Variants in NR3C2 observed in about 807,000 individuals in gnomAD.
The protein encoded by NR3C2 is nuclear receptor subfamily 3 group C member 2.
A neutral mutation model predicts 86.4 loss-of-function variants in NR3C2; 15 were observed. That is an observed-to-expected ratio of 0.17 (90% CI 0.12 to 0.27). The LOEUF (loss-of-function observed/expected upper bound fraction) is 0.27. Among genes scored for constraint, NR3C2 ranks in the 10% least tolerant of loss-of-function variants. The probability of loss-of-function intolerance (pLI) is 1.00; values close to 1 mark genes in which losing one functional copy is unlikely to be tolerated. For synonymous variants in NR3C2, 458 were observed against 450.5 expected, an observed-to-expected ratio of 1.02 and a Z score of -0.21; for missense variants, 960 against 1,195.6, an observed-to-expected ratio of 0.80 and a Z score of 2.91.
chr4:148,250,230 AT>A (rs1739512776), intron 3 of NR3C2, among the ~76,000 whole-genome samples: 1 of 152,216 alleles, frequency 6.6e-6, no homozygotes, highest in Non-Finnish European at 1.5e-5. Context: ...GGAAAGAACT[AT>A]TACACTACAT....
chr4:148,444,381 C>T (rs1393941841), upstream of NR3C2: 1 of 986,920 alleles, frequency 1.0e-6, no homozygotes, highest in Non-Finnish European at 1.2e-6. Flanking sequence ...CAGCGGGCAA[C>T]TCGTCTCCTG....
chr4:148,161,067 T>C (rs556459450), intron 4 of NR3C2, among the ~76,000 whole-genome samples: 3 of 146,210 alleles, frequency 2.1e-5, no homozygotes, highest in African/African-American at 7.3e-5. Context: ...CCCAATGCAA[T>C]AAACACCAGT....
intron 3 of NR3C2, among the ~76,000 whole-genome samples, chr4:148,240,707 G>A (rs1738984382): frequency 6.6e-6 from 1 of 152,094 alleles, no homozygotes; most frequent in Non-Finnish European, 1.5e-5. Flanking sequence ...AATCTGTTGA[G>A]GTCTGCTTTC....
At chr4:148,443,667 G>A (rs1414088135), upstream of NR3C2, among the ~76,000 whole-genome samples, 3 of 152,222 alleles carry the variant, frequency 2.0e-5, no homozygotes, top group Admixed American at 1.3e-4. Flanking sequence ...CCCGGAGTCA[G>A]CATCAGTGAC....
At chr4:148,149,526 C>T (rs1560947063) in intron 6 of NR3C2, among the ~76,000 whole-genome samples, 2 of 152,008 alleles carry the variant, frequency 1.3e-5, no homozygotes, top group African/African-American at 4.8e-5. Context: ...ATAAGTGACA[C>T]CAAAGAAAAG....
chr4:148,271,750 C>T (rs1029042018), intron 2 of NR3C2, among the ~76,000 whole-genome samples: 3 of 151,938 alleles, frequency 2.0e-5, no homozygotes, highest in African/African-American at 7.3e-5. Flanking sequence ...ATACTTGGCC[C>T]TTATTAGAAC....
At chr4:148,372,160 C>A (rs892026311) in intron 2 of NR3C2, among the ~76,000 whole-genome samples, 1 of 152,054 alleles carries the variant, frequency 6.6e-6, no homozygotes, top group Non-Finnish European at 1.5e-5. Flanking sequence ...AAAGTAAGTT[C>A]TATTCCTTGG....
intron 4 of NR3C2, among the ~76,000 whole-genome samples, chr4:148,165,401 A>T (rs1216994666): frequency 6.6e-6 from 1 of 152,088 alleles, no homozygotes; most frequent in African/African-American, 2.4e-5. Flanking sequence ...AATGAGGAAT[A>T]AAAAAATATA....
intron 3 of NR3C2, among the ~76,000 whole-genome samples, chr4:148,219,284 C>T (rs192291838): frequency 1.0e-3 from 156 of 152,204 alleles, no homozygotes; most frequent in African/African-American, 3.5e-3. Flanking sequence ...AGATTATGCA[C>T]GTCTACTCAA....
At chr4:148,148,145 C>A (rs764584799) in intron 6 of NR3C2, among the ~76,000 whole-genome samples, 12 of 124,408 alleles carry the variant, frequency 9.6e-5, no homozygotes, top group Admixed American at 4.3e-4. Flanking sequence ...TCTCCCTTCC[C>A]CTGCCCTTCC....
chr4:148,296,891 A>G (rs1742078726), intron 2 of NR3C2, among the ~76,000 whole-genome samples: 1 of 152,224 alleles, frequency 6.6e-6, no homozygotes, highest in Admixed American at 6.5e-5. Flanking sequence ...ATAAATAAGG[A>G]AAACACTTTC....
chr4:148,143,541 G>A (rs13150372), intron 6 of NR3C2, among the ~76,000 whole-genome samples: 40,292 of 152,076 alleles, frequency 0.26, 6,011 homozygotes, highest in East Asian at 0.6. Context: ...CTTAATACAC[G>A]GAAATTGCTC....
At chr4:148,081,520 G>C (rs1389770511) in intron 8 of NR3C2, 21 bp from the exon 9 acceptor site, 2 of 1,613,874 alleles carry the variant, frequency 1.2e-6, no homozygotes, top group Admixed American at 1.7e-5. Flanking sequence ...GACACAGGGG[G>C]CATGACACGG....
chr4:148,142,175 T>G (rs1733644440), intron 6 of NR3C2, among the ~76,000 whole-genome samples: 1 of 152,134 alleles, frequency 6.6e-6, no homozygotes, highest in African/African-American at 2.4e-5. Context: ...ATTAATTAGT[T>G]TATCAAGTGC....
At chr4:148,356,108 G>T (rs1745538246) in intron 2 of NR3C2, among the ~76,000 whole-genome samples, 1 of 151,932 alleles carries the variant, frequency 6.6e-6, no homozygotes, top group African/African-American at 2.4e-5. Flanking sequence ...CAGATCTACA[G>T]AATAAAACTC....
Position 148,154,536 on chromosome 4 carries a change from G to T in NR3C2, c.2365+15C>A. On this transcript the variant is annotated intron_variant, in intron 5 of 8. Coordinates refer to ENST00000358102, the MANE Select transcript of NR3C2 (RefSeq NM_000901.5). ...AAGTTCAGGATGCAGCCTGTGAAAG[G>T]AGAGGCAATCCTACCTGGAAGTACC... 1 of 1,611,952 alleles carries T rather than the reference G, an allele frequency of 6.2e-7. No homozygotes were observed. The highest frequency in any genetic ancestry group is 1.1e-5 in the South Asian group (1 of 91,006).
chr4:148,113,289 C>CAAAGATTGAGA (rs1316216613), intron 8 of NR3C2, among the ~76,000 whole-genome samples: 1 of 152,134 alleles, frequency 6.6e-6, no homozygotes, highest in Non-Finnish European at 1.5e-5. Flanking sequence ...CAGGCTGGCC[C>CAAAGATTGAGA]TGAACCACTA....
At chr4:148,312,309 A>ATTTAT (rs1742941257) in intron 2 of NR3C2, among the ~76,000 whole-genome samples, 2 of 152,134 alleles carry the variant, frequency 1.3e-5, no homozygotes, top group African/African-American at 4.8e-5. Context: ...GGTTATTTAC[A>ATTTAT]TTTATGAGTA....
chr4:148,444,503 A>C (rs1750497757), upstream of NR3C2: 1 of 985,860 alleles, frequency 1.0e-6, no homozygotes, highest in Middle Eastern at 5.2e-4. Flanking sequence ...CTGTCAGCGC[A>C]AAGTGACTGT....
Sources: gnomAD v4.1 joint callset for allele counts (sites outside exome capture counted in the v4.1 genomes callset) on GRCh38, gnomAD v4.1.1 for gene constraint, MANE v1.5 for transcripts, NCBI Gene and HGNC (gene_info 2026-07-23, HGNC 2026-07-21) for gene names.